The following PSMG2 variants were observed in gnomAD, a reference collection of about 807,000 sequenced individuals.
PSMG2 encodes the protein CD40 ligand-activated specific transcript 3.
A neutral mutation model predicts 31.5 loss-of-function variants in PSMG2; 21 were observed. That is an observed-to-expected ratio of 0.67 (90% CI 0.47 to 0.96). PSMG2 has a LOEUF of 0.96. PSMG2 is among the 40% of genes least tolerant of loss of function. PSMG2 has a pLI of 0.00. For missense variants in PSMG2, 318 were observed against 321.2 expected, an observed-to-expected ratio of 0.99 and a Z score of 0.08; for synonymous variants, 120 against 110.4, an observed-to-expected ratio of 1.09 and a Z score of -0.54.
intron 1 of PSMG2, among the ~76,000 whole-genome samples, chr18:12,690,102 C>A (rs9945801): frequency 6.6e-6 from 1 of 151,944 alleles, no homozygotes; most frequent in African/African-American, 2.4e-5. Context: ...AAGCCAGTTA[C>A]ATTTTGATTG....
Position 12,724,500 on chromosome 18 carries a change from T to C in PSMG2, c.583T>C (p.Cys195Arg). 1 of 1,597,840 alleles carries C rather than the reference T, an allele frequency of 6.3e-7. No homozygotes were observed. The highest frequency in any genetic ancestry group is 8.5e-7 in the Non-Finnish European group (1 of 1,174,054). Residue 195 changes from cysteine (C) to arginine (R), a missense_variant and splice_region_variant, in exon 6 of 7, where the codon TGT becomes CGT. Physicochemically the swap from Cys to Arg is radical, Grantham distance 180. Coordinates refer to ENST00000317615, the MANE Select transcript of PSMG2 (RefSeq NM_020232.5). ...GATTCTTATTTTTATTTCTTGTAGC[T>C]GTTCTAAAGAAATCCAAATGGCAGT... is the stretch of plus-strand genomic sequence containing the variant. ...GITKTLYDES[C>R]SKEIQMAVLL... is the part of the protein sequence containing the mutation.
At chr18:12,699,316 A>G (rs756889849), upstream of PSMG2, 11 of 697,754 alleles carry the variant, frequency 1.6e-5, no homozygotes, top group Admixed American at 3.0e-5. Context: ...AAAGACTAAA[A>G]AAAAAGCAAA....
intron 1 of PSMG2, among the ~76,000 whole-genome samples, 162 bp downstream of exon 1, chr18:12,703,326 G>C (rs1343555526): frequency 6.6e-6 from 1 of 152,246 alleles, no homozygotes; most frequent in Non-Finnish European, 1.5e-5. Context: ...GGAGGCAGCC[G>C]TCCAAACAGA....
chr18:12,701,067 C>A, upstream of PSMG2: 1 of 1,613,514 alleles, frequency 6.2e-7, no homozygotes. Context: ...CAATTCTTCC[C>A]GTATAGTCTC....
chr18:12,706,987 G>T (rs906601622), intron 2 of PSMG2, among the ~76,000 whole-genome samples: 1 of 151,666 alleles, frequency 6.6e-6, no homozygotes, highest in African/African-American at 2.4e-5. Flanking sequence ...ACGGAGTCTC[G>T]CTCTCTTGCC....
chr18:12,673,752 G>A (rs982123695), intron 1 of PSMG2, among the ~76,000 whole-genome samples: 7 of 152,040 alleles, frequency 4.6e-5, no homozygotes, highest in African/African-American at 1.7e-4. Flanking sequence ...GTGGTGGCGG[G>A]CGTCTGTAAT....
chr18:12,668,577 G>A (rs1288148860), intron 1 of PSMG2, among the ~76,000 whole-genome samples: 3 of 90,320 alleles, frequency 3.3e-5, no homozygotes, highest in Non-Finnish European at 6.1e-5. Flanking sequence ...CAGCCTGGGA[G>A]ACAGAGTAAG....
intron 2 of PSMG2, 76 bp downstream of exon 2, chr18:12,706,797 A>G: frequency 1.4e-6 from 2 of 1,437,602 alleles, no homozygotes; most frequent in Non-Finnish European, 9.4e-7. Flanking sequence ...TTTATTGATA[A>G]TTGTTTTGTA....
At chr18:12,702,546 C>T (rs1252751742), upstream of PSMG2, 2 of 1,601,024 alleles carry the variant, frequency 1.2e-6, no homozygotes, top group East Asian at 2.3e-5. Flanking sequence ...GAGGCAGCGA[C>T]ATGCTGGCAG....
intron 1 of PSMG2, among the ~76,000 whole-genome samples, chr18:12,681,210 A>T (rs1279741593): frequency 6.6e-6 from 1 of 151,798 alleles, no homozygotes; most frequent in Non-Finnish European, 1.5e-5. Context: ...AAAAAAAAAA[A>T]AAATGTTTAT....
rs577219875 is a variant in PSMG2, at chr18:12,675,763, G to A, written c.-37+16990G>A. Among the ~76,000 whole-genome samples, 3 of 152,058 alleles carry A rather than the reference G, an allele frequency of 2.0e-5. No homozygotes were observed. The East Asian group carries it at 5.8e-4, about 30-fold the overall frequency. On this transcript the variant is annotated intron_variant, in intron 1 of 6. Coordinates refer to the PSMG2 transcript ENST00000585331. The stretch of plus-strand genomic sequence containing the variant: ...GGCTCACTGCAACCTCTGCCTCCCA[G>A]GTTCAAGCGATTCTCCTGCCTCAGA...
chr18:12,714,228 G>A (rs575899789), intron 3 of PSMG2, among the ~76,000 whole-genome samples: 14 of 152,084 alleles, frequency 9.2e-5, no homozygotes, highest in Non-Finnish European at 1.6e-4. Context: ...TTCCAAGTTC[G>A]CAGGAGCCCC....
intron 3 of PSMG2, among the ~76,000 whole-genome samples, chr18:12,715,784 G>T (rs2040370655): frequency 6.6e-6 from 1 of 152,234 alleles, no homozygotes; most frequent in African/African-American, 2.4e-5. Context: ...GGGATTACAG[G>T]CGTGAGCCAC....
At chr18:12,682,649 G>A (rs1254509406) in intron 1 of PSMG2, among the ~76,000 whole-genome samples, 1 of 151,556 alleles carries the variant, frequency 6.6e-6, no homozygotes, top group African/African-American at 2.4e-5. Flanking sequence ...TCTTTTTTGA[G>A]ACAGAGTCTC....
chr18:12,669,404 G>A (rs1377377731), intron 1 of PSMG2, among the ~76,000 whole-genome samples: 3 of 151,798 alleles, frequency 2.0e-5, no homozygotes, highest in Non-Finnish European at 2.9e-5. Flanking sequence ...GAGCCACCGC[G>A]CCTGGCCCCA....
intron 5 of PSMG2, among the ~76,000 whole-genome samples, chr18:12,721,962 TTG>T (rs1467057233): frequency 6.6e-6 from 1 of 152,242 alleles, no homozygotes; most frequent in Admixed American, 6.5e-5. Context: ...CTCATTTCCC[TTG>T]TGTTTTTGTT....
At position 12,670,130 on chromosome 18, in the gene PSMG2, G is replaced by A. The variant is rs141815291; in HGVS notation, c.-37+11357G>A. 9.0e-3 allele frequency among the ~76,000 whole-genome samples: 1,362 copies of A among 152,148 alleles called. 28 individuals carry two copies. The highest frequency in any genetic ancestry group is 0.03 in the African/African-American group (1,252 of 41,510). ...GGATTGCCTGAGCTCAGGAGTTCGC[G>A]ACCAGCCTGGGCAACAAGGTGAAAC... On this transcript the variant is annotated intron_variant, in intron 1 of 6. Coordinates refer to the PSMG2 transcript ENST00000585331.
In PSMG2 at chr18:12,703,104, G is replaced by A; in HGVS notation, c.-4G>A. 1 of 1,612,290 alleles carries A rather than the reference G, an allele frequency of 6.2e-7. No homozygotes were observed. Among genetic ancestry groups the A allele is most frequent in the Non-Finnish European group, 8.5e-7 (1 of 1,179,538 alleles). On this transcript the variant is annotated 5_prime_UTR_variant, in exon 1 of 7. Transcript: ENST00000317615. ...TAGTCCCTGCTGGCCACCCCACTGC[G>A]ACCATGTTCGTTCCCTGCGGGGAGT...
intron 1 of PSMG2, among the ~76,000 whole-genome samples, chr18:12,688,017 G>A (rs772021915): frequency 2.0e-5 from 3 of 151,906 alleles, no homozygotes; most frequent in Non-Finnish European, 4.4e-5. Flanking sequence ...GCCAAGGTGG[G>A]TGGATCACGA....
Sources: gnomAD v4.1 joint callset for allele counts (sites outside exome capture counted in the v4.1 genomes callset) on GRCh38, gnomAD v4.1.1 for gene constraint, MANE v1.5 for transcripts, NCBI Gene and HGNC (gene_info 2026-07-23, HGNC 2026-07-21) for gene names.